The following DAPP1 variants were observed in gnomAD, a reference collection of about 807,000 sequenced individuals.
DAPP1 encodes dual adapter for phosphotyrosine and 3-phosphotyrosine and 3-phosphoinositide.
In DAPP1, 20 loss-of-function variants were observed where a neutral mutation model predicts 41.5. The observed-to-expected ratio is 0.48, with a 90% CI of 0.34 to 0.70. The LOEUF is 0.70. Among genes scored for constraint, DAPP1 ranks in the 30% least tolerant of loss-of-function variants. The pLI, the probability that DAPP1 is intolerant of heterozygous loss-of-function variation, is 0.01. For missense variants in DAPP1, 233 were observed against 333.4 expected, an observed-to-expected ratio of 0.70 and a Z score of 2.35; for synonymous variants, 113 against 116.2, an observed-to-expected ratio of 0.97 and a Z score of 0.18.
chr4:99,866,469 C>G (rs1349309785), intron 8 of DAPP1: 3 of 746,006 alleles, frequency 4.0e-6, no homozygotes, highest in African/African-American at 3.4e-5. Context: ...ACATACTTCT[C>G]TAGTTGAAAA....
At chr4:99,850,655 T>G (rs1723823034) in intron 3 of DAPP1, among the ~76,000 whole-genome samples, 1 of 152,146 alleles carries the variant, frequency 6.6e-6, no homozygotes, top group African/African-American at 2.4e-5. Flanking sequence ...GGTGAAAGTG[T>G]TTGAGAGGCA....
rs777958582 is a variant in DAPP1, at chr4:99,863,091, T to C, written c.600+19T>C. On this transcript the variant is annotated intron_variant, in intron 6 of 8. Transcript: ENST00000512369. Reference sequence around the variant, plus strand: ...CCAGATGGTGAGAAACATGATAATATATTTTTCCTTTAAAAATCAATTCTC... The same window carrying C: ...CCAGATGGTGAGAAACATGATAATACATTTTTCCTTTAAAAATCAATTCTC... 8 of 1,511,334 alleles carry C rather than the reference T, an allele frequency of 5.3e-6. No individual in the cohort carries two copies. The African/African-American group carries it at 8.5e-5, about 16-fold the overall frequency. The allele number at this position is 1,511,334 out of a possible 1,614,324, so 93.6% of individuals were successfully genotyped here.
chr4:99,828,318 A>G (rs1287629875), intron 1 of DAPP1, among the ~76,000 whole-genome samples: 1 of 152,208 alleles, frequency 6.6e-6, no homozygotes, highest in Non-Finnish European at 1.5e-5. Flanking sequence ...AAAACAATAT[A>G]TTCAAGTTAA....
At chr4:99,866,675 T>C (rs1468889288) in intron 8 of DAPP1, 2 of 751,740 alleles carry the variant, frequency 2.7e-6, no homozygotes, top group African/African-American at 1.7e-5. Flanking sequence ...GCTTGCAAGT[T>C]AGTGAGTTCT....
intron 1 of DAPP1, among the ~76,000 whole-genome samples, chr4:99,823,297 T>C (rs11097678): frequency 0.33 from 50,678 of 151,766 alleles, 9,165 homozygotes; most frequent in African/African-American, 0.48. Flanking sequence ...CTGAATTTAT[T>C]TATAATAAAT....
At chr4:99,861,764 CAA>C in intron 5 of DAPP1, 139 bp downstream of exon 5, 1 of 1,005,382 alleles carries the variant, frequency 9.9e-7, no homozygotes, top group Non-Finnish European at 1.5e-6. Flanking sequence ...TCACCTGACT[CAA>C]GAGTTCATTT....
chr4:99,835,501 C>A, intron 1 of DAPP1, 122 bp from the exon 2 acceptor site: 1 of 1,404,664 alleles, frequency 7.1e-7, no homozygotes, highest in African/African-American at 1.4e-5. Flanking sequence ...GGGCTGAGAG[C>A]TGGGTCTCTG....
At chr4:99,843,744 T>TA (rs548884720) in intron 3 of DAPP1, among the ~76,000 whole-genome samples, 11 of 152,330 alleles carry the variant, frequency 7.2e-5, no homozygotes, top group African/African-American at 2.2e-4. Flanking sequence ...TTATGTTTTT[T>TA]AAAAAAATAC....
At position 99,857,078 on chromosome 4, in the gene DAPP1, A is replaced by G. The variant is rs74455756; in HGVS notation, c.489+3730A>G. 3.7e-3 allele frequency among the ~76,000 whole-genome samples: 557 copies of G among 152,338 alleles called. 4 individuals carry two copies. Among genetic ancestry groups the G allele is most frequent in the African/African-American group, 0.013 (529 of 41,574 alleles). The stretch of plus-strand genomic sequence containing the variant: ...CCTTGACAAGAGACCCGTGGAGATT[A>G]TTTCCCAACAGTGATCAGGGGCTAA... On this transcript the variant is annotated intron_variant, in intron 4 of 8. Transcript: ENST00000512369.
intron 1 of DAPP1, among the ~76,000 whole-genome samples, chr4:99,824,220 C>T (rs980053761): frequency 2.6e-5 from 4 of 152,318 alleles, no homozygotes; most frequent in Non-Finnish European, 4.4e-5. Flanking sequence ...TCCTTAGGAG[C>T]AGGACAGTGG....
chr4:99,832,996 G>A lies in DAPP1; in HGVS notation c.102-2627G>A, dbSNP rs148032049. ...AATGTCCAAATCCTTTAAATGTTTT[G>A]GAATTTCACAAATGAAGTATTGCTT... On this transcript the variant is annotated intron_variant, in intron 1 of 8. Transcript: ENST00000512369. Among the ~76,000 whole-genome samples the A allele has an allele frequency of 2.9e-3, 437 of 152,276 alleles. 3 individuals carry two copies. The highest frequency in any genetic ancestry group is 5.7e-3 in the Admixed American group (87 of 15,298).
intron 3 of DAPP1, among the ~76,000 whole-genome samples, chr4:99,849,497 T>C (rs890407244): frequency 1.3e-5 from 2 of 152,148 alleles, no homozygotes; most frequent in African/African-American, 4.8e-5. Flanking sequence ...AGGTTGGAAA[T>C]GCACACGTTG....
intron 1 of DAPP1, among the ~76,000 whole-genome samples, chr4:99,821,291 T>C (rs1439595568): frequency 2.0e-5 from 3 of 152,206 alleles, no homozygotes; most frequent in Non-Finnish European, 4.4e-5. Context: ...CCATACTCAT[T>C]TCATAGACGC....
intron 1 of DAPP1, among the ~76,000 whole-genome samples, chr4:99,832,283 G>A (rs914327779): frequency 1.3e-5 from 2 of 152,152 alleles, no homozygotes; most frequent in African/African-American, 4.8e-5. Context: ...TAACTTTTAT[G>A]GACACAGTCT....
intron 6 of DAPP1, among the ~76,000 whole-genome samples, chr4:99,863,377 T>A (rs1724308490): frequency 6.6e-6 from 1 of 152,184 alleles, no homozygotes; most frequent in South Asian, 2.1e-4. Flanking sequence ...CAGCAATTTG[T>A]CCCTTTATTA....
intron 3 of DAPP1, among the ~76,000 whole-genome samples, chr4:99,842,844 ATTTC>A (rs1404844930): frequency 3.5e-5 from 5 of 143,586 alleles, no homozygotes; most frequent in East Asian, 2.0e-4. Flanking sequence ...AAGTACAGAT[ATTTC>A]TTTCTTTTTT....
chr4:99,833,446 C>A (rs1186343808), intron 1 of DAPP1, among the ~76,000 whole-genome samples: 1 of 152,036 alleles, frequency 6.6e-6, no homozygotes, highest in African/African-American at 2.4e-5. Flanking sequence ...ATCTTGGAGA[C>A]CTATGTAAAA....
intron 3 of DAPP1, among the ~76,000 whole-genome samples, chr4:99,850,073 G>A (rs1294341351): frequency 6.6e-6 from 1 of 152,218 alleles, no homozygotes; most frequent in Non-Finnish European, 1.5e-5. Context: ...ATAAATCTGA[G>A]TTGTTTTAAG....
chr4:99,868,054 T>C lies in DAPP1; in HGVS notation c.775-63T>C, dbSNP rs1724522406. On this transcript the variant is annotated intron_variant, in intron 8 of 8. Transcript: ENST00000512369. Reference sequence around the variant, plus strand: ...ATCAACATGTCTTATTTAATATTTGTTAGAAGCCAGGGTTCATTACAATCA... The same window carrying C: ...ATCAACATGTCTTATTTAATATTTGCTAGAAGCCAGGGTTCATTACAATCA... 9 of 1,399,094 alleles carry C rather than the reference T, an allele frequency of 6.4e-6. 1 individual carries two copies. In the South Asian group the frequency reaches 1.0e-4, roughly 16 times the overall value. The allele number at this position is 1,399,094 out of a possible 1,614,324, so 86.7% of individuals were successfully genotyped here. A position where few individuals can be genotyped will look rare whatever the true frequency, so the allele number is the denominator to read the frequency against.
Sources: gnomAD v4.1 joint callset for allele counts (sites outside exome capture counted in the v4.1 genomes callset) on GRCh38, gnomAD v4.1.1 for gene constraint, MANE v1.5 for transcripts, NCBI Gene and HGNC (gene_info 2026-07-23, HGNC 2026-07-21) for gene names.